Variants in FRMD4A observed in about 807,000 individuals in gnomAD.
FRMD4A encodes the protein FERM domain containing 4A.
In FRMD4A, 29 loss-of-function variants were observed where a neutral mutation model predicts 129.1. The ratio of observed to expected loss-of-function variants is 0.22; its 90% CI spans 0.17 to 0.31. The LOEUF is 0.31. Ranked by LOEUF, FRMD4A falls within the 10% of genes least tolerant of loss-of-function variation. FRMD4A has a pLI of 1.00. For synonymous variants in FRMD4A, 634 were observed against 571.6 expected, an observed-to-expected ratio of 1.11 and a Z score of -1.56; for missense variants, 1,272 against 1,375.8, an observed-to-expected ratio of 0.92 and a Z score of 1.19.
chr10:14,042,917 T>A, intron 2 of FRMD4A, among the ~76,000 whole-genome samples: 1 of 92,024 alleles, frequency 1.1e-5, no homozygotes, highest in East Asian at 3.7e-4. Flanking sequence ...AGAGCAAGAC[T>A]CCATCTCAAA....
At chr10:13,755,188 C>T (rs2091809373) in intron 8 of FRMD4A, among the ~76,000 whole-genome samples, 1 of 152,150 alleles carries the variant, frequency 6.6e-6, no homozygotes, top group Non-Finnish European at 1.5e-5. Context: ...AAAATTAGTT[C>T]TTCGTGTTCT....
intron 9 of FRMD4A, chr10:13,744,615 G>C (rs921068915): frequency 1.3e-5 from 2 of 152,342 alleles, no homozygotes; most frequent in Admixed American, 6.5e-5. Context: ...CCACTGCCTT[G>C]GTTACCAGGC....
intron 2 of FRMD4A, among the ~76,000 whole-genome samples, chr10:14,124,220 T>C (rs1838700123): frequency 6.6e-6 from 1 of 152,186 alleles, no homozygotes; most frequent in Non-Finnish European, 1.5e-5. Flanking sequence ...TCCAGCTTTC[T>C]CAAAATCTCC....
At chr10:14,222,091 G>C (rs1473995682) in intron 2 of FRMD4A, among the ~76,000 whole-genome samples, 1 of 152,128 alleles carries the variant, frequency 6.6e-6, no homozygotes, top group East Asian at 1.9e-4. Flanking sequence ...CTCAATTTTA[G>C]TTCATCAGCG....
At chr10:14,185,818 A>T (rs1477944636) in intron 2 of FRMD4A, among the ~76,000 whole-genome samples, 1 of 152,096 alleles carries the variant, frequency 6.6e-6, no homozygotes, top group Non-Finnish European at 1.5e-5. Context: ...TAGGGTAGAC[A>T]GGGCAGGGCC....
chr10:13,864,733 G>C (rs1374271335), intron 2 of FRMD4A, among the ~76,000 whole-genome samples: 1 of 151,754 alleles, frequency 6.6e-6, no homozygotes, highest in Non-Finnish European at 1.5e-5. Flanking sequence ...CCGCCACCAT[G>C]CCAGGCTAAT....
At chr10:14,034,982 G>T (rs1281027860) in intron 2 of FRMD4A, among the ~76,000 whole-genome samples, 5 of 152,142 alleles carry the variant, frequency 3.3e-5, no homozygotes, top group African/African-American at 1.2e-4. Flanking sequence ...TTCCTCATGT[G>T]TCAAATTCCC....
chr10:14,017,247 C>G (rs1036341945), intron 2 of FRMD4A, among the ~76,000 whole-genome samples: 1 of 152,204 alleles, frequency 6.6e-6, no homozygotes. Context: ...GTGAAGCTGG[C>G]TGTGTAGATT....
intron 2 of FRMD4A, among the ~76,000 whole-genome samples, chr10:14,066,664 C>T (rs947084599): frequency 6.6e-6 from 1 of 151,978 alleles, no homozygotes; most frequent in Admixed American, 6.6e-5. Context: ...CGAAAAGCCT[C>T]CCAAAGGACT....
intron 2 of FRMD4A, among the ~76,000 whole-genome samples, chr10:14,035,134 T>G (rs1330250949): frequency 2.0e-5 from 3 of 152,100 alleles, no homozygotes; most frequent in East Asian, 3.9e-4. Flanking sequence ...CAAAATAGAC[T>G]GGGCACGGTG....
intron 2 of FRMD4A, among the ~76,000 whole-genome samples, chr10:14,010,658 T>G (rs2095678561): frequency 7.0e-6 from 1 of 142,620 alleles, no homozygotes; most frequent in African/African-American, 2.5e-5. Flanking sequence ...ATTGTCGAGT[T>G]TAGGTCTTTT....
At chr10:14,247,805 T>A (rs919690516) in intron 2 of FRMD4A, among the ~76,000 whole-genome samples, 1 of 152,186 alleles carries the variant, frequency 6.6e-6, no homozygotes, top group African/African-American at 2.4e-5. Flanking sequence ...TCTGCTTAAA[T>A]TGAGTGTGAG....
intron 2 of FRMD4A, among the ~76,000 whole-genome samples, chr10:14,229,425 G>A (rs1843561016): frequency 6.6e-6 from 1 of 152,046 alleles, no homozygotes; most frequent in South Asian, 2.1e-4. Context: ...GAAACTAAAA[G>A]CAGCTATGGA....
At chr10:14,145,650 C>T (rs747669992) in intron 2 of FRMD4A, among the ~76,000 whole-genome samples, 23 of 152,194 alleles carry the variant, frequency 1.5e-4, no homozygotes, top group Non-Finnish European at 2.5e-4. Flanking sequence ...TTGACTGTTA[C>T]TGGATATAGA....
intron 2 of FRMD4A, among the ~76,000 whole-genome samples, chr10:14,170,199 T>A (rs1335625205): frequency 6.6e-6 from 1 of 152,224 alleles, no homozygotes; most frequent in African/African-American, 2.4e-5. Context: ...ACATCTTACC[T>A]CTGTATCTAA....
At chr10:13,796,731 A>T (rs914773093) in intron 4 of FRMD4A, 143 bp from the exon 5 acceptor site, 1 of 541,454 alleles carries the variant, frequency 1.8e-6, no homozygotes, top group Admixed American at 3.1e-5. Flanking sequence ...TTTAGTTTTT[A>T]TTTTTTTGAG....
rs1172865434 is a variant in FRMD4A, at chr10:14,330,119, G to A, written c.-17C>T. 5.2e-6 allele frequency: 8 copies of A among 1,551,668 alleles called. No individual in the cohort carries two copies. Among genetic ancestry groups the A allele is most frequent in the South Asian group, 1.2e-5 (1 of 84,052 alleles). Reference sequence around the variant, plus strand: ...CACTGCCATGGTCTCCGATTCCCATGCACGAATCCTGCTGCCGAGTCAGTC... The same window carrying A: ...CACTGCCATGGTCTCCGATTCCCATACACGAATCCTGCTGCCGAGTCAGTC... On this transcript the variant is annotated 5_prime_UTR_variant, in exon 2 of 25. Coordinates refer to ENST00000357447, the MANE Select transcript of FRMD4A (RefSeq NM_018027.5).
At chr10:14,164,199 G>C (rs1339546707) in intron 2 of FRMD4A, among the ~76,000 whole-genome samples, 4 of 152,232 alleles carry the variant, frequency 2.6e-5, no homozygotes, top group Non-Finnish European at 5.9e-5. Context: ...TACCTTCTGA[G>C]GCATGAGTTT....
intron 2 of FRMD4A, among the ~76,000 whole-genome samples, chr10:14,148,880 T>G (rs1564340759): frequency 6.6e-6 from 1 of 152,344 alleles, no homozygotes; most frequent in South Asian, 2.1e-4. Flanking sequence ...CTAGTGTTAA[T>G]GTGATTTGTA....
Sources: allele counts gnomAD v4.1 joint callset (sites outside exome capture counted in the v4.1 genomes callset), GRCh38; gene constraint gnomAD v4.1.1; transcripts MANE v1.5; gene names NCBI Gene and HGNC (gene_info 2026-07-23, HGNC 2026-07-21).